The following PIAS3 variants were observed in gnomAD, a reference collection of about 807,000 sequenced individuals.
PIAS3 encodes the protein protein inhibitor of activated STAT 3.
In PIAS3, 34 loss-of-function variants were observed where a neutral mutation model predicts 67.6. That is an observed-to-expected ratio of 0.50 (90% CI 0.38 to 0.67). The LOEUF is 0.67. Among genes scored for constraint, PIAS3 ranks in the 30% least tolerant of loss-of-function variants. The pLI, the probability that PIAS3 is intolerant of heterozygous loss-of-function variation, is 0.00. For synonymous variants in PIAS3, 341 were observed against 313.8 expected, an observed-to-expected ratio of 1.09 and a Z score of -0.92; for missense variants, 693 against 791.6, an observed-to-expected ratio of 0.88 and a Z score of 1.49.
In PIAS3 at chr1:145,850,848, A is replaced by G. The variant is rs781841988; in HGVS notation, c.1371T>C (p.Asp457=). 3.1e-6 allele frequency: 5 copies of G among 1,614,162 alleles called. No individual in the cohort carries two copies. The highest frequency in any genetic ancestry group is 3.4e-6 in the Non-Finnish European group (4 of 1,180,018). Residue 457 remains aspartate, a synonymous_variant, in exon 11 of 14, where the codon GAT becomes GAC. Transcript: ENST00000393045. ...TCTTGGTAGGGGGCAGATCCTCCTC[A>G]TCTGATGAGCTTTCTATTGTCAAGT... ...VIDLTIESSS[D]EEDLPPTKKH... is the part of the protein sequence containing the mutation.
chr1:145,850,609 G>A, intron 11 of PIAS3, 23 bp from the exon 12 acceptor site: 3 of 1,610,524 alleles, frequency 1.9e-6, no homozygotes, highest in Non-Finnish European at 2.5e-6. Flanking sequence ...AGGAGCTGAG[G>A]CAGCCAGCAA....
chr1:145,854,988 C>G, intron 5 of PIAS3, 108 bp from the exon 6 acceptor site: 1 of 1,329,486 alleles, frequency 7.5e-7, no homozygotes, highest in South Asian at 1.3e-5. Context: ...GAGGGAAGGC[C>G]AACTCGCTCA....
rs1653154810 is a variant in PIAS3 at position 145,855,924 on chromosome 1, C to G, written c.579-98G>C. On this transcript the variant is annotated intron_variant, in intron 4 of 13. Coordinates refer to ENST00000393045, the MANE Select transcript of PIAS3 (RefSeq NM_006099.3). ...ACCCCAGAAAATCAGTCATAGATGC[C>G]TGAAGCCCTCAGCATCCAACAAGAG... The G allele has an allele frequency of 4.8e-6, 5 of 1,047,660 alleles. No homozygotes were observed. The Admixed American group carries it at 8.5e-5, about 18-fold the overall frequency. 64.9% of individuals were successfully genotyped at this position (1,047,660 alleles called of 1,614,324 possible).
In PIAS3 at chr1:145,856,107, G is replaced by A; in HGVS notation, c.539C>T (p.Pro180Leu). Residue 180 changes from proline (P) to leucine (L), a missense_variant, in exon 4 of 14, where the codon CCA becomes CTA. Physicochemically the swap from Pro to Leu is moderately conservative, Grantham distance 98 (BLOSUM62 -3). Around this residue, in one of 3 missense-constraint regions of PIAS3, gnomAD observed 308 missense variants for 348.8 expected, o/e 0.88. Coordinates refer to ENST00000393045, the MANE Select transcript of PIAS3 (RefSeq NM_006099.3). ...QQILTSREVL[P>L]GAKCDYTIQV... ...TATGGTATAATCACATTTGGCTCCT[G>A]GCAGAACCTCTCTGTAACAGGGAGG... 1 of 1,613,802 alleles carries A rather than the reference G, an allele frequency of 6.2e-7. No individual in the cohort carries two copies. Among genetic ancestry groups the A allele is most frequent in the African/African-American group, 1.3e-5 (1 of 75,018 alleles).
chr1:145,854,991 C>A (rs1653109229), intron 5 of PIAS3, 111 bp from the exon 6 acceptor site: 15 of 1,291,824 alleles, frequency 1.2e-5, no homozygotes, highest in Non-Finnish European at 1.5e-5. Context: ...GGAAGGCCAA[C>A]TCGCTCACTC....
Position 145,854,785 on chromosome 1 carries a change from G to C in PIAS3, c.765C>G (p.Pro255=). The part of the protein sequence containing the change: ...TPLARLSATV[P]NTIVVNWSSE... ...ATGACCAATTGACCACAATGGTGTT[G>C]GGAACAGTGGCTGAGAGTCGAGCCA... is the stretch of plus-strand genomic sequence containing the variant. The change falls in exon 6 of 14, where the codon CCC becomes CCG. Residue 255 remains proline (P), a synonymous_variant. Coordinates refer to ENST00000393045, the MANE Select transcript of PIAS3 (RefSeq NM_006099.3). 1 of 1,614,190 alleles carries C rather than the reference G, an allele frequency of 6.2e-7. No individual in the cohort carries two copies. The highest frequency in any genetic ancestry group is 8.5e-7 in the Non-Finnish European group (1 of 1,180,036).
intron 3 of PIAS3, 49 bp downstream of exon 3, chr1:145,856,298 T>G (rs1653180376): frequency 1.3e-6 from 2 of 1,498,268 alleles, no homozygotes; most frequent in Non-Finnish European, 1.9e-6. Context: ...GAGAAGAAAG[T>G]CAGAAAGCAG....
In PIAS3 at chr1:145,854,774, A is replaced by G. The variant is rs782600165; in HGVS notation, c.776T>C (p.Val259Ala). 1 of 1,614,122 alleles carries G rather than the reference A, an allele frequency of 6.2e-7. No individual in the cohort carries two copies. The highest frequency in any genetic ancestry group is 1.1e-5 in the South Asian group (1 of 91,080). ...RLSATVPNTI[V>A]VNWSSEFGRN... ...TCCGAACTCAGATGACCAATTGACC[A>G]CAATGGTGTTGGGAACAGTGGCTGA... Residue 259 changes from valine (V) to alanine (A), a missense_variant, in exon 6 of 14, where the codon GTG (valine) becomes GCG (alanine). Physicochemically the swap from Val to Ala is moderately conservative, Grantham distance 64. Transcript: ENST00000393045.
Position 145,850,095 on chromosome 1 carries a change from TAA to T in PIAS3, c.1620+135_1620+136del, listed in dbSNP as rs142253178. ...ACTACCAGTGGGGCTGAGGAGATAA[TAA>T]GATACCTACACCCCACTGCCCTCAC... On this transcript the variant is annotated intron_variant, in intron 13 of 13. Coordinates refer to ENST00000393045, the MANE Select transcript of PIAS3 (RefSeq NM_006099.3). 4,027 of 1,515,652 alleles carry T rather than the reference TAA, an allele frequency of 2.7e-3. 114 individuals carry two copies. The African/African-American group carries it at 0.05, about 19-fold the overall frequency. 93.9% of individuals were successfully genotyped at this position (1,515,652 alleles called of 1,614,324 possible).
rs781806172 is a variant in PIAS3, at chr1:145,856,072, G to A, written c.574C>T (p.Leu192=). 6 of 1,613,408 alleles carry A rather than the reference G, an allele frequency of 3.7e-6. No homozygotes were observed. The Admixed American group carries it at 5.0e-5, about 13-fold the overall frequency. The stretch of plus-strand genomic sequence containing the variant: ...AGGCAGGGAGGATGAACTCACCTTA[G>A]CTGCACCTGTATGGTATAATCACAT... ...AKCDYTIQVQ[L]RFCLCETSCP... Residue 192 remains leucine, a synonymous_variant, in exon 4 of 14, where the codon CTA becomes TTA. Coordinates refer to ENST00000393045, the MANE Select transcript of PIAS3 (RefSeq NM_006099.3).
intron 13 of PIAS3, 106 bp from the exon 14 acceptor site, chr1:145,849,818 C>A: frequency 6.7e-7 from 1 of 1,487,074 alleles, no homozygotes. Flanking sequence ...CCTGTGGATC[C>A]GAAGGTATTC....
rs781910614 is a variant in PIAS3 at position 145,853,633 on chromosome 1, C to T, written c.1016G>A (p.Arg339His). The T allele has an allele frequency of 1.1e-5, 17 of 1,613,770 alleles. No homozygotes were observed. The highest frequency in any genetic ancestry group is 3.3e-5 in the South Asian group (3 of 91,068). The change falls in exon 9 of 14, where the codon CGT (arginine) becomes CAT (histidine). Residue 339 changes from arginine to histidine, a missense_variant. Physicochemically the swap from Arg to His is conservative, Grantham distance 29 (BLOSUM62 0). Coordinates refer to ENST00000393045, the MANE Select transcript of PIAS3 (RefSeq NM_006099.3). ...LGKMRLTVPC[R>H]ALTCAHLQSF... ...CTGCAGGTGGGCGCAGGTGAGGGCA[C>T]GACAAGGGACAGTCAGGCGCATCTT...
At position 145,856,865 on chromosome 1, in the gene PIAS3, T is replaced by G; in HGVS notation, c.166A>C (p.Lys56Gln). 1 of 1,614,072 alleles carries G rather than the reference T, an allele frequency of 6.2e-7. No individual in the cohort carries two copies. The highest frequency in any genetic ancestry group is 1.7e-5 in the Admixed American group (1 of 60,010). Residue 56 changes from lysine to glutamine, a missense_variant, in exon 2 of 14, where the codon AAG becomes CAG. This residue lies in a region of PIAS3 where 308 missense variants were observed against 348.8 expected (regional missense o/e 0.88). Coordinates refer to ENST00000393045, the MANE Select transcript of PIAS3 (RefSeq NM_006099.3). ...KSSCAPSVQM[K>Q]IKELYRRRFP... ...CGTCGTCGGTAAAGCTCTTTGATCT[T>G]CATCTGGACACTAGGGGCACAGCTG...
At position 145,848,787 on chromosome 1, in the gene PIAS3, C is replaced by G. The variant is rs1553733397; in HGVS notation, c.*659G>C. The G allele has an allele frequency of 3.7e-6, 1 of 268,332 alleles. No individual in the cohort carries two copies. Among genetic ancestry groups the G allele is most frequent in the African/African-American group, 2.2e-5 (1 of 45,018 alleles). The allele number at this position is 268,332 out of a possible 1,614,324, so 16.6% of individuals were successfully genotyped here. On this transcript the variant is annotated 3_prime_UTR_variant, in exon 14 of 14. Coordinates refer to ENST00000393045, the MANE Select transcript of PIAS3 (RefSeq NM_006099.3). Reference sequence around the variant, plus strand: ...GAGAGACCCAAGCAATAGGCCGGGCCTGACTCCCAGACCCCTGCAGATCAT... The same window carrying G: ...GAGAGACCCAAGCAATAGGCCGGGCGTGACTCCCAGACCCCTGCAGATCAT...
At position 145,858,959 on chromosome 1, in the gene PIAS3, G is replaced by C. The variant is rs2101688888; in HGVS notation, c.24+8C>G. ...GTCCAGATGGGGATGGGGGGAGGGGGCCGGTACCTTTAATTCGCCCAGCTC... is the reference window on the plus strand; with the variant it reads ...GTCCAGATGGGGATGGGGGGAGGGGCCCGGTACCTTTAATTCGCCCAGCTC... On this transcript the variant is annotated splice_region_variant and intron_variant, in intron 1 of 13. Coordinates refer to ENST00000393045, the MANE Select transcript of PIAS3 (RefSeq NM_006099.3). The C allele has an allele frequency of 2.6e-6, 4 of 1,533,208 alleles. No individual in the cohort carries two copies. Among genetic ancestry groups the C allele is most frequent in the Non-Finnish European group, 3.5e-6 (4 of 1,141,078 alleles). The allele number at this position is 1,533,208 out of a possible 1,614,324, so 95.0% of individuals were successfully genotyped here.
rs782102609 is a variant in PIAS3 at position 145,856,679 on chromosome 1, G to C, written c.352C>G (p.Pro118Ala). 2.5e-6 allele frequency: 4 copies of C among 1,609,026 alleles called. No homozygotes were observed. The highest frequency in any genetic ancestry group is 2.2e-5 in the East Asian group (1 of 44,782). The change falls in exon 2 of 14, where the codon CCT becomes GCT. Residue 118 changes from proline (P) to alanine (A), a missense_variant. Pro to Ala is a conservative substitution (Grantham distance 27). Coordinates refer to ENST00000393045, the MANE Select transcript of PIAS3 (RefSeq NM_006099.3). The part of the protein sequence containing the change: ...GPKREVDMHP[P>A]LPQPVHPDVT... ...TCAGGGTGCACAGGCTGGGGCAGAG[G>C]GGGGTGCATGTCCACCTCACGCTTG...
At position 145,851,040 on chromosome 1, in the gene PIAS3, G is replaced by A. The variant is rs369391516; in HGVS notation, c.1259C>T (p.Pro420Leu). 24 of 1,614,036 alleles carry A rather than the reference G, an allele frequency of 1.5e-5. No homozygotes were observed. Among genetic ancestry groups the A allele is most frequent in the East Asian group, 2.2e-5 (1 of 44,894 alleles). ...CTCACCATCCAGCCCATACCCTGGC[G>A]GGGGGCAAACCTCAGATGCCTCCTT... is the stretch of plus-strand genomic sequence containing the variant. ...PKKEASEVCP[P>L]PGYGLDGLQY... The change falls in exon 10 of 14, where the codon CCG becomes CTG. Residue 420 changes from proline (P) to leucine (L), a missense_variant. This residue lies in a region of PIAS3 where 270 missense variants were observed against 261.0 expected (regional missense o/e 1.03). Coordinates refer to ENST00000393045, the MANE Select transcript of PIAS3 (RefSeq NM_006099.3).
Position 145,854,469 on chromosome 1 carries a change from G to A in PIAS3, c.899C>T (p.Ser300Leu), listed in dbSNP as rs782461983. Residue 300 changes from serine (S) to leucine (L), a missense_variant, in exon 7 of 14, where the codon TCG (serine) becomes TTG (leucine). Ser to Leu is a moderately radical substitution (Grantham distance 145, BLOSUM62 -2). Transcript: ENST00000393045. ...AAGATGTTACTCACTCAGTGCCCGCGAGTGGTCTGGGTTCCGGATACCCTT... is the reference window on the plus strand; with the variant it reads ...AAGATGTTACTCACTCAGTGCCCGCAAGTGGTCTGGGTTCCGGATACCCTT... ...RAKGIRNPDH[S>L]RALIKEKLTA... The A allele has an allele frequency of 2.5e-6, 4 of 1,612,152 alleles. No individual in the cohort carries two copies. Among genetic ancestry groups the A allele is most frequent in the South Asian group, 1.1e-5 (1 of 91,028 alleles).
intron 9 of PIAS3, among the ~76,000 whole-genome samples, chr1:145,852,409 T>C (rs190536225): frequency 1.3e-5 from 2 of 152,288 alleles, no homozygotes; most frequent in Admixed American, 1.3e-4. Context: ...GGAAGTCAGG[T>C]AGTTGTTATA....
Sources: allele counts gnomAD v4.1 joint callset (sites outside exome capture counted in the v4.1 genomes callset), GRCh38; gene constraint gnomAD v4.1.1; regional missense constraint gnomAD v4.1.1; transcripts MANE v1.5; gene names NCBI Gene and HGNC (gene_info 2026-07-23, HGNC 2026-07-21).